THSD7B: variants seen among roughly 807,000 people sequenced by gnomAD.
THSD7B encodes thrombospondin type-1 domain-containing protein 7B.
In THSD7B, 138 loss-of-function variants were observed where a neutral mutation model predicts 213.6. The observed-to-expected ratio is 0.65, with a 90% CI of 0.56 to 0.74. THSD7B has a LOEUF of 0.74. Among genes scored for constraint, THSD7B ranks in the 30% least tolerant of loss-of-function variants. The pLI is 0.00. For missense variants in THSD7B, 1,931 were observed against 1,991.5 expected (o/e 0.97, Z 0.58); for synonymous variants, 742 against 687.0 (o/e 1.08, Z -1.25).
chr2:137,429,152 T>G lies in THSD7B; in HGVS notation c.2959+17280T>G, dbSNP rs183710993. On this transcript the variant is annotated intron_variant, in intron 14 of 27. Transcript: ENST00000409968. Reference sequence around the variant, plus strand: ...TGGAGACAGAAATTTGGTTAGTGGTTGCTTAGGACTGGAAGAATGGGGAGA... The same window carrying G: ...TGGAGACAGAAATTTGGTTAGTGGTGGCTTAGGACTGGAAGAATGGGGAGA... Among the ~76,000 whole-genome samples the G allele has an allele frequency of 4.6e-5, 7 of 152,312 alleles. No individual in the cohort carries two copies. In the East Asian group the frequency reaches 9.6e-4, roughly 21 times the overall value.
At chr2:137,543,734 T>G (rs1465907860) in intron 15 of THSD7B, among the ~76,000 whole-genome samples, 1 of 151,654 alleles carries the variant, frequency 6.6e-6, no homozygotes, top group Non-Finnish European at 1.5e-5. Context: ...GGTGTAGTAT[T>G]GAGGATAAAT....
chr2:137,582,630 G>C (rs1681607095), intron 17 of THSD7B, among the ~76,000 whole-genome samples: 1 of 151,950 alleles, frequency 6.6e-6, no homozygotes, highest in East Asian at 1.9e-4. Flanking sequence ...GAGGATGATG[G>C]TTTCCAGCTT....
rs906914127 is a variant in THSD7B at position 137,427,614 on chromosome 2, G to A, written c.2959+15742G>A. On this transcript the variant is annotated intron_variant, in intron 14 of 27. Coordinates refer to ENST00000409968, the MANE Select transcript of THSD7B (RefSeq NM_001316349.2). Reference sequence around the variant, plus strand: ...AGAAAGACAAATACTACATGATCTCGCTTATATGTATAATCTAAAAAAGTC... The same window carrying A: ...AGAAAGACAAATACTACATGATCTCACTTATATGTATAATCTAAAAAAGTC... Among the ~76,000 whole-genome samples, 6 of 152,132 alleles carry A rather than the reference G, an allele frequency of 3.9e-5. No homozygotes were observed. The South Asian group carries it at 1.0e-3, about 26-fold the overall frequency.
chr2:137,048,130 T>C (rs555074650), intron 2 of THSD7B, among the ~76,000 whole-genome samples: 110 of 150,430 alleles, frequency 7.3e-4, no homozygotes, highest in African/African-American at 2.6e-3. Flanking sequence ...CATTGTTCAA[T>C]TCCCACTTAT....
chr2:137,108,774 A>ATT (rs1238817092), intron 4 of THSD7B, among the ~76,000 whole-genome samples: 2 of 152,220 alleles, frequency 1.3e-5, no homozygotes, highest in Non-Finnish European at 2.9e-5. Context: ...GTAGACTTAA[A>ATT]TTATAAACTA....
intron 2 of THSD7B, among the ~76,000 whole-genome samples, chr2:137,036,169 C>T (rs1357377987): frequency 6.6e-6 from 1 of 152,128 alleles, no homozygotes; most frequent in African/African-American, 2.4e-5. Context: ...CACTAATGCA[C>T]ATGAAATACT....
intron 15 of THSD7B, among the ~76,000 whole-genome samples, chr2:137,454,030 A>C (rs6753815): frequency 6.6e-6 from 1 of 152,122 alleles, no homozygotes; most frequent in Admixed American, 6.5e-5. Context: ...ACTTAGGTTG[A>C]TTCCATAACT....
At chr2:137,343,077 T>TG (rs896461969) in intron 12 of THSD7B, among the ~76,000 whole-genome samples, 16 of 151,872 alleles carry the variant, frequency 1.1e-4, no homozygotes, top group African/African-American at 3.9e-4. Context: ...TTCTGTTTTT[T>TG]TTTTTTGTTT....
chr2:137,040,621 C>T (rs2104861300), intron 2 of THSD7B, among the ~76,000 whole-genome samples: 1 of 152,200 alleles, frequency 6.6e-6, no homozygotes, highest in African/African-American at 2.4e-5. Context: ...TCTCGAACTC[C>T]TGATCTCGTG....
At chr2:137,013,773 G>A (rs187404852) in intron 2 of THSD7B, among the ~76,000 whole-genome samples, 43 of 152,240 alleles carry the variant, frequency 2.8e-4, no homozygotes, top group African/African-American at 1.0e-3. Context: ...GCTGGTGTGT[G>A]TGACCTGCCT....
chr2:137,491,522 C>G (rs1480653263), intron 15 of THSD7B, among the ~76,000 whole-genome samples: 1 of 152,174 alleles, frequency 6.6e-6, no homozygotes, highest in Non-Finnish European at 1.5e-5. Context: ...ACATAGTTAA[C>G]TTTTACTCCC....
chr2:137,094,968 C>G lies in THSD7B; in HGVS notation c.1046C>G (p.Ser349Cys). 1.2e-6 allele frequency: 2 copies of G among 1,613,814 alleles called. No individual in the cohort carries two copies. Among genetic ancestry groups the G allele is most frequent in the Non-Finnish European group, 8.5e-7 (1 of 1,179,842 alleles). Residue 349 changes from serine (S) to cysteine (C), a missense_variant, in exon 4 of 28, where the codon TCC (serine) becomes TGC (cysteine). By Grantham distance (112) the Ser-to-Cys change is moderately radical. Coordinates refer to ENST00000409968, the MANE Select transcript of THSD7B (RefSeq NM_001316349.2). Reference sequence around the variant, plus strand: ...CAGTGGTCCTCCTGGAGCCCCTGCTCCAAGACATGCCGTTCAGGGAGTCTC... The same window carrying G: ...CAGTGGTCCTCCTGGAGCCCCTGCTGCAAGACATGCCGTTCAGGGAGTCTC... The part of the protein sequence containing the change: ...TSQWSSWSPC[S>C]KTCRSGSLLP...
At chr2:137,496,103 G>C (rs1273361700) in intron 15 of THSD7B, among the ~76,000 whole-genome samples, 1 of 152,122 alleles carries the variant, frequency 6.6e-6, no homozygotes, top group Admixed American at 6.6e-5. Flanking sequence ...TTTTGAAATT[G>C]GTGAGTGTAG....
chr2:136,914,399 A>G (rs1347828865), intron 2 of THSD7B, among the ~76,000 whole-genome samples: 1 of 152,164 alleles, frequency 6.6e-6, no homozygotes, highest in East Asian at 1.9e-4. Flanking sequence ...ACTTTGGCAG[A>G]CTGTTGGGAA....
intron 12 of THSD7B, among the ~76,000 whole-genome samples, chr2:137,358,567 A>G (rs958240667): frequency 1.3e-5 from 2 of 152,230 alleles, no homozygotes; most frequent in African/African-American, 4.8e-5. Context: ...GAAGGATAGC[A>G]TCAAAGAAAG....
At chr2:137,148,246 CACCATGATTAT>C (rs1312062967) in intron 5 of THSD7B, among the ~76,000 whole-genome samples, 2 of 152,120 alleles carry the variant, frequency 1.3e-5, no homozygotes, top group African/African-American at 4.8e-5. Context: ...CTTCCCCTTC[CACCATGATTAT>C]AAGTTTCCTG....
At chr2:137,141,864 T>C (rs1481434841) in intron 5 of THSD7B, among the ~76,000 whole-genome samples, 1 of 152,092 alleles carries the variant, frequency 6.6e-6, no homozygotes, top group Non-Finnish European at 1.5e-5. Flanking sequence ...ACATTTAATG[T>C]TTTTTTGCTA....
chr2:137,216,866 A>G (rs112048419), intron 7 of THSD7B, among the ~76,000 whole-genome samples: 2,022 of 152,250 alleles, frequency 0.013, 32 homozygotes, highest in African/African-American at 0.046. Flanking sequence ...AGGATGCTCA[A>G]ATATCACTGT....
chr2:137,497,355 C>T (rs556398106), intron 15 of THSD7B, among the ~76,000 whole-genome samples: 118 of 152,040 alleles, frequency 7.8e-4, no homozygotes, highest in Non-Finnish European at 1.1e-3. Flanking sequence ...GTAAAATAAT[C>T]GTAGACCTTA....
Sources: allele counts gnomAD v4.1 joint callset (sites outside exome capture counted in the v4.1 genomes callset), GRCh38; gene constraint gnomAD v4.1.1; transcripts MANE v1.5; gene names NCBI Gene and HGNC (gene_info 2026-07-23, HGNC 2026-07-21).